The following NCKAP5 variants were observed in gnomAD, a reference collection of about 807,000 sequenced individuals.
NCKAP5 encodes the protein nck-associated protein 5.
Under a neutral mutation model 167.0 loss-of-function variants are expected in NCKAP5, and 92 were observed. That is an observed-to-expected ratio of 0.55 (90% CI 0.47 to 0.66). NCKAP5 has a LOEUF of 0.66. Ranked by LOEUF, NCKAP5 falls within the 30% of genes least tolerant of loss-of-function variation. The pLI is 0.00. For missense variants in NCKAP5, 2,378 were observed against 2,315.0 expected, an observed-to-expected ratio of 1.03 and a Z score of -0.56; for synonymous variants, 891 against 877.4, an observed-to-expected ratio of 1.02 and a Z score of -0.27.
At chr2:132,993,913 A>C (rs2077516833) in intron 7 of NCKAP5, among the ~76,000 whole-genome samples, 2 of 151,952 alleles carry the variant, frequency 1.3e-5, no homozygotes, top group Admixed American at 1.3e-4. Context: ...TTCACCACAA[A>C]CTTATTTTTT....
At chr2:133,331,339 T>C (rs779900636) in intron 3 of NCKAP5, among the ~76,000 whole-genome samples, 4 of 152,198 alleles carry the variant, frequency 2.6e-5, no homozygotes, top group Admixed American at 6.5e-5. Flanking sequence ...AACAACATGA[T>C]CTGATGACTT....
At chr2:132,790,488 G>GT (rs1683977607) in intron 12 of NCKAP5, among the ~76,000 whole-genome samples, 1 of 152,166 alleles carries the variant, frequency 6.6e-6, no homozygotes, top group Non-Finnish European at 1.5e-5. Context: ...AATATCTCAT[G>GT]TAATTTATTG....
chr2:133,233,443 T>C (rs7605535), intron 4 of NCKAP5, among the ~76,000 whole-genome samples: 1 of 152,130 alleles, frequency 6.6e-6, no homozygotes, highest in South Asian at 2.1e-4. Flanking sequence ...TGCATTGAAA[T>C]AAAAAAATCA....
At chr2:132,984,561 C>T (rs564300274) in intron 7 of NCKAP5, among the ~76,000 whole-genome samples, 1 of 152,286 alleles carries the variant, frequency 6.6e-6, no homozygotes, top group African/African-American at 2.4e-5. Context: ...CTCTTCATCG[C>T]CATGCTGTGC....
intron 9 of NCKAP5, among the ~76,000 whole-genome samples, chr2:132,877,531 G>A (rs758204694): frequency 2.6e-5 from 4 of 152,122 alleles, no homozygotes; most frequent in Admixed American, 6.6e-5. Flanking sequence ...TAGGTCTGTC[G>A]TGGGTCCTGA....
chr2:132,994,054 A>T, intron 7 of NCKAP5, 98 bp downstream of exon 7: 1 of 832,484 alleles, frequency 1.2e-6, no homozygotes, highest in East Asian at 2.8e-5. Flanking sequence ...TCTGGAACAC[A>T]CCTTTTATTT....
At chr2:132,728,586 G>A (rs1197421818) in intron 18 of NCKAP5, among the ~76,000 whole-genome samples, 4 of 152,154 alleles carry the variant, frequency 2.6e-5, no homozygotes, top group Non-Finnish European at 5.9e-5. Flanking sequence ...AAGAATCTGG[G>A]TGCATTTCAG....
chr2:133,646,504 C>A, the NCKAP5 span, among the ~76,000 whole-genome samples: 1 of 151,920 alleles, frequency 6.6e-6, no homozygotes, highest in Non-Finnish European at 1.5e-5. Flanking sequence ...AACTTTCCTT[C>A]AAAAATAAAG....
At chr2:132,948,489 C>A (rs2076063272) in intron 8 of NCKAP5, among the ~76,000 whole-genome samples, 2 of 152,148 alleles carry the variant, frequency 1.3e-5, no homozygotes, top group African/African-American at 4.8e-5. Flanking sequence ...AGGCAGAGAA[C>A]CAGCAGCGGC....
intron 16 of NCKAP5, among the ~76,000 whole-genome samples, chr2:132,739,390 T>C (rs982023696): frequency 1.3e-5 from 2 of 152,176 alleles, no homozygotes; most frequent in African/African-American, 4.8e-5. Flanking sequence ...ATAAATGAAG[T>C]GAGAAGACTA....
intron 4 of NCKAP5, among the ~76,000 whole-genome samples, chr2:133,223,066 TA>T (rs1453881645): frequency 1.3e-5 from 2 of 151,980 alleles, no homozygotes; most frequent in African/African-American, 4.8e-5. Context: ...TTTTGCAGAG[TA>T]GAAGAAAAAT....
At chr2:133,609,696 T>A in the NCKAP5 span, among the ~76,000 whole-genome samples, 1 of 152,108 alleles carries the variant, frequency 6.6e-6, no homozygotes, top group African/African-American at 2.4e-5. Flanking sequence ...GGCTTGGGTT[T>A]CTCCATAAAG....
At chr2:133,500,295 G>C (rs965941013) in intron 3 of NCKAP5, among the ~76,000 whole-genome samples, 1 of 152,156 alleles carries the variant, frequency 6.6e-6, no homozygotes, top group Non-Finnish European at 1.5e-5. Flanking sequence ...CCTCAAATCT[G>C]CCAAATCAAT....
At chr2:132,981,759 A>T (rs1303202373) in intron 7 of NCKAP5, among the ~76,000 whole-genome samples, 3 of 152,222 alleles carry the variant, frequency 2.0e-5, no homozygotes, top group African/African-American at 7.2e-5. Context: ...AAACCCTCAG[A>T]TTAACTGGTT....
At chr2:132,935,287 C>T (rs1031800340) in intron 8 of NCKAP5, among the ~76,000 whole-genome samples, 1 of 152,188 alleles carries the variant, frequency 6.6e-6, no homozygotes, top group African/African-American at 2.4e-5. Flanking sequence ...GCCAAGAAAA[C>T]TACACAGAAA....
chr2:132,741,900 A>G (rs2105590442), intron 16 of NCKAP5, among the ~76,000 whole-genome samples: 1 of 152,062 alleles, frequency 6.6e-6, no homozygotes, highest in African/African-American at 2.4e-5. Flanking sequence ...TCTCCTTTTA[A>G]CCCACTTCTG....
At chr2:132,732,082 T>C (rs762600806) in intron 16 of NCKAP5, 31 bp from the exon 17 acceptor site, 9 of 1,558,912 alleles carry the variant, frequency 5.8e-6, no homozygotes, top group South Asian at 1.2e-5. Context: ...GAGAAGGGAA[T>C]AGAGAAGGCT....
At chr2:132,954,446 C>T (rs1574757216) in intron 8 of NCKAP5, among the ~76,000 whole-genome samples, 1 of 152,108 alleles carries the variant, frequency 6.6e-6, no homozygotes, top group African/African-American at 2.4e-5. Context: ...TAATGGTATG[C>T]TTTAAATATT....
chr2:133,426,368 C>T (rs1318460583), intron 3 of NCKAP5, among the ~76,000 whole-genome samples: 1 of 145,174 alleles, frequency 6.9e-6, no homozygotes, highest in Non-Finnish European at 1.5e-5. Context: ...AATATATAGC[C>T]TTAAATGCTT....
Sources: allele counts gnomAD v4.1 joint callset (sites outside exome capture counted in the v4.1 genomes callset), GRCh38; gene constraint gnomAD v4.1.1; transcripts MANE v1.5; gene names NCBI Gene and HGNC (gene_info 2026-07-23, HGNC 2026-07-21).